The following REDIC1 variants were observed in gnomAD, a reference collection of about 807,000 sequenced individuals.
REDIC1 encodes HEI10 Interacting Protein 1.
the REDIC1 span, chr12:39,830,623 C>T: frequency 3.6e-6 from 1 of 280,228 alleles, no homozygotes; most frequent in East Asian, 1.6e-4. Flanking sequence ...ATTCATTTCT[C>T]TCAATTGTCT....
the REDIC1 span, among the ~76,000 whole-genome samples, chr12:39,835,272 T>A: frequency 6.6e-6 from 1 of 152,042 alleles, no homozygotes; most frequent in African/African-American, 2.4e-5. Context: ...CACCCAGTTC[T>A]AAGATTGTAC....
the REDIC1 span, chr12:39,646,906 A>C: frequency 1.3e-6 from 2 of 1,541,624 alleles, no homozygotes; most frequent in Non-Finnish European, 1.8e-6. Context: ...TTTTAAAAAA[A>C]TTCTATAGGT....
the REDIC1 span, among the ~76,000 whole-genome samples, chr12:39,715,154 G>C: frequency 6.6e-6 from 1 of 151,802 alleles, no homozygotes; most frequent in African/African-American, 2.4e-5. Context: ...ATGTCTAGAA[G>C]GGTTTTTCCC....
At chr12:39,786,557 A>G in the REDIC1 span, among the ~76,000 whole-genome samples, 2 of 152,318 alleles carry the variant, frequency 1.3e-5, no homozygotes, top group South Asian at 4.1e-4. Context: ...TCTGGAGTGC[A>G]TTCTAAGCAG....
chr12:39,713,015 GTGTATATACGTGTATATGTATA>G, the REDIC1 span, among the ~76,000 whole-genome samples: 1 of 137,174 alleles, frequency 7.3e-6, no homozygotes, highest in Non-Finnish European at 1.6e-5. Flanking sequence ...ATATATACAT[GTGTATATACGTGTATATGTATA>G]TATACATGTG....
the REDIC1 span, chr12:39,802,144 G>A: frequency 6.6e-6 from 1 of 152,206 alleles, no homozygotes; most frequent in Non-Finnish European, 1.5e-5. Flanking sequence ...TAATCTTTGC[G>A]ACTGCATATG....
At chr12:39,777,432 G>T in the REDIC1 span, among the ~76,000 whole-genome samples, 1 of 152,322 alleles carries the variant, frequency 6.6e-6, no homozygotes, top group South Asian at 2.1e-4. Context: ...GAAGGGAAAA[G>T]CATGGTCCCT....
chr12:39,810,154 C>A, the REDIC1 span, among the ~76,000 whole-genome samples: 1 of 152,156 alleles, frequency 6.6e-6, no homozygotes, highest in African/African-American at 2.4e-5. Context: ...GACATCTTAA[C>A]CATATTAAGT....
chr12:39,857,860 C>T, the REDIC1 span, among the ~76,000 whole-genome samples: 3 of 152,290 alleles, frequency 2.0e-5, no homozygotes, highest in East Asian at 3.9e-4. Flanking sequence ...CCCTGATATT[C>T]CCTCTCCCTG....
the REDIC1 span, among the ~76,000 whole-genome samples, chr12:39,797,066 C>G: frequency 6.6e-6 from 1 of 152,224 alleles, no homozygotes; most frequent in Non-Finnish European, 1.5e-5. Flanking sequence ...TATTTGATAA[C>G]TTGTGTAGGC....
At chr12:39,864,745 A>T in the REDIC1 span, 14 of 1,611,942 alleles carry the variant, frequency 8.7e-6, no homozygotes, top group Non-Finnish European at 1.1e-5. Flanking sequence ...AGGAAGAAGA[A>T]CATAATGGAA....
At chr12:39,772,869 TC>T in the REDIC1 span, among the ~76,000 whole-genome samples, 1 of 56,122 alleles carries the variant, frequency 1.8e-5, no homozygotes, top group Non-Finnish European at 4.9e-5. Context: ...GCCAAGTAGC[TC>T]CTCATCATCC....
the REDIC1 span, among the ~76,000 whole-genome samples, chr12:39,700,719 C>G: frequency 3.3e-5 from 5 of 151,926 alleles, no homozygotes; most frequent in South Asian, 1.0e-3. Context: ...GGAAGCCCAT[C>G]AGACTAACAG....
the REDIC1 span, among the ~76,000 whole-genome samples, chr12:39,631,654 A>C: frequency 6.6e-6 from 1 of 152,358 alleles, no homozygotes; most frequent in East Asian, 1.9e-4. Flanking sequence ...TATACAAACA[A>C]AAATTGGATA....
chr12:39,740,785 T>C, the REDIC1 span, among the ~76,000 whole-genome samples: 1 of 152,212 alleles, frequency 6.6e-6, no homozygotes, highest in African/African-American at 2.4e-5. Context: ...TCATAACTTT[T>C]TTCTTGCTTC....
At chr12:39,737,003 G>A in the REDIC1 span, 1 of 152,194 alleles carries the variant, frequency 6.6e-6, no homozygotes, top group African/African-American at 2.4e-5. Flanking sequence ...TGGCTACACA[G>A]CATTAGATAA....
chr12:39,779,393 C>A, the REDIC1 span, among the ~76,000 whole-genome samples: 1 of 152,118 alleles, frequency 6.6e-6, no homozygotes, highest in South Asian at 2.1e-4. Context: ...TGCCTGAATT[C>A]TTCTATTTCC....
At chr12:39,714,391 A>G in the REDIC1 span, among the ~76,000 whole-genome samples, 1 of 52,884 alleles carries the variant, frequency 1.9e-5, no homozygotes, top group African/African-American at 4.5e-5. Flanking sequence ...GTGTATATGT[A>G]TATATGTATA....
At chr12:39,729,148 C>G in the REDIC1 span, among the ~76,000 whole-genome samples, 1 of 152,084 alleles carries the variant, frequency 6.6e-6, no homozygotes, top group Non-Finnish European at 1.5e-5. Flanking sequence ...TTTTTCATGT[C>G]TCTATCTCCT....
Sources: allele counts gnomAD v4.1 joint callset (sites outside exome capture counted in the v4.1 genomes callset), GRCh38; gene constraint gnomAD v4.1.1; transcripts MANE v1.5; gene names NCBI Gene and HGNC (gene_info 2026-07-23, HGNC 2026-07-21).